Variants in WDR27 observed in about 807,000 individuals in gnomAD.
The protein encoded by WDR27 is WD repeat-containing protein 27.
WDR27 carries 100 observed loss-of-function variants against 114.4 expected under a neutral mutation model. The observed-to-expected ratio is 0.87, with a 90% CI of 0.74 to 1.03. The LOEUF (loss-of-function observed/expected upper bound fraction) is 1.03, where lower values mean the gene tolerates loss of function less well. Among genes scored for constraint, WDR27 ranks in the 50% least tolerant of loss-of-function variants. The probability of loss-of-function intolerance (pLI) is 0.00; values close to 1 mark genes in which losing one functional copy is unlikely to be tolerated. For missense variants in WDR27, 1,129 were observed against 1,092.9 expected (o/e 1.03, Z -0.47); for synonymous variants, 449 against 423.1 (o/e 1.06, Z -0.75).
At chr6:169,598,687 C>CCA (rs1431093306) in intron 23 of WDR27, among the ~76,000 whole-genome samples, 2 of 152,194 alleles carry the variant, frequency 1.3e-5, no homozygotes, top group African/African-American at 4.8e-5. Flanking sequence ...CATGACGCAG[C>CCA]CACACACCAA....
In WDR27 at chr6:169,666,430, G is replaced by A. The variant is rs951449947; in HGVS notation, c.712+706C>T. ...CATGTCACTTACCGCATGGAAGAACGCTCTCCTTTTAATTCCCTAACTCTC... is the reference window on the plus strand; with the variant it reads ...CATGTCACTTACCGCATGGAAGAACACTCTCCTTTTAATTCCCTAACTCTC... On this transcript the variant is annotated intron_variant, in intron 6 of 25. Transcript: ENST00000448612. 2.0e-5 allele frequency: 20 copies of A among 985,304 alleles called. No individual in the cohort carries two copies. In the South Asian group the frequency reaches 3.8e-4, roughly 19 times the overall value. The allele number at this position is 985,304 out of a possible 1,614,324, so 61.0% of individuals were successfully genotyped here.
At chr6:169,556,817 A>G (rs1798960600) in intron 25 of WDR27, among the ~76,000 whole-genome samples, 1 of 152,222 alleles carries the variant, frequency 6.6e-6, no homozygotes, top group Admixed American at 6.5e-5. Context: ...AAAGTGCTCA[A>G]CATCATTCAT....
At chr6:169,642,461 C>T (rs997963008) in intron 17 of WDR27, among the ~76,000 whole-genome samples, 3 of 152,184 alleles carry the variant, frequency 2.0e-5, no homozygotes, top group Non-Finnish European at 4.4e-5. Context: ...TATTCAGCCA[C>T]GAAAGAGGCC....
chr6:169,577,656 C>T (rs900562990), intron 24 of WDR27, among the ~76,000 whole-genome samples: 1 of 152,220 alleles, frequency 6.6e-6, no homozygotes, highest in African/African-American at 2.4e-5. Flanking sequence ...CCGCAGCCTC[C>T]CCACCACGGA....
chr6:169,486,161 T>C (rs904516459), intron 25 of WDR27, among the ~76,000 whole-genome samples: 3 of 152,090 alleles, frequency 2.0e-5, no homozygotes, highest in African/African-American at 7.2e-5. Context: ...AGGTTTTTTT[T>C]TTTTGTAAGA....
chr6:169,458,739 A>G (rs991615355), intron 25 of WDR27, among the ~76,000 whole-genome samples: 1 of 151,644 alleles, frequency 6.6e-6, no homozygotes, highest in Non-Finnish European at 1.5e-5. Context: ...GTGAGCCAAG[A>G]TCATGCCACT....
At chr6:169,592,283 T>A (rs151120729) in intron 23 of WDR27, among the ~76,000 whole-genome samples, 1 of 152,134 alleles carries the variant, frequency 6.6e-6, no homozygotes, top group Admixed American at 6.5e-5. Context: ...AATCTACACA[T>A]TACCTACAGA....
In WDR27 at chr6:169,478,110, G is replaced by A. The variant is rs181672112; in HGVS notation, c.2646-20476C>T. Among the ~76,000 whole-genome samples, 207 of 152,206 alleles carry A rather than the reference G, an allele frequency of 1.4e-3. 1 individual carries two copies. Among genetic ancestry groups the A allele is most frequent in the Middle Eastern group, 6.8e-3 (2 of 294 alleles). Reference sequence around the variant, plus strand: ...ACAGAAGTCAAGCCAGGGTCAGCCAGTGACTGGGGGTTGGAGATGCCTACA... The same window carrying A: ...ACAGAAGTCAAGCCAGGGTCAGCCAATGACTGGGGGTTGGAGATGCCTACA... On this transcript the variant is annotated intron_variant, in intron 25 of 25. Transcript: ENST00000448612.
intron 23 of WDR27, among the ~76,000 whole-genome samples, chr6:169,596,224 A>G (rs139656970): frequency 9.7e-4 from 148 of 152,184 alleles, no homozygotes; most frequent in Middle Eastern, 3.4e-3. Flanking sequence ...TTTTTAAAAA[A>G]ATGTCCAGGG....
chr6:169,499,997 G>A (rs1351457858), intron 25 of WDR27, among the ~76,000 whole-genome samples: 2 of 152,178 alleles, frequency 1.3e-5, no homozygotes, highest in East Asian at 1.9e-4. Flanking sequence ...CAGCTGCTGG[G>A]TGCATACTTA....
At chr6:169,428,232 G>A in the WDR27 span, among the ~76,000 whole-genome samples, 10 of 152,242 alleles carry the variant, frequency 6.6e-5, no homozygotes, top group South Asian at 1.7e-3. Flanking sequence ...AGACTGGGCC[G>A]TCTCTCTTGC....
intron 23 of WDR27, among the ~76,000 whole-genome samples, chr6:169,585,887 G>A (rs138609039): frequency 2.8e-4 from 43 of 152,170 alleles, no homozygotes; most frequent in African/African-American, 8.4e-4. Flanking sequence ...ACAGAAATAC[G>A]TCGTATTTTC....
chr6:169,682,161 T>C (rs1781699669), intron 2 of WDR27, among the ~76,000 whole-genome samples: 2 of 150,734 alleles, frequency 1.3e-5, no homozygotes, highest in African/African-American at 4.9e-5. Flanking sequence ...TGGCGCAGGG[T>C]CTCCCTGGGA....
intron 25 of WDR27, among the ~76,000 whole-genome samples, chr6:169,562,423 A>G (rs1359666120): frequency 6.6e-6 from 1 of 152,264 alleles, no homozygotes; most frequent in African/African-American, 2.4e-5. Context: ...AAATCAAAAG[A>G]GAATTTCAAA....
chr6:169,507,092 G>T lies in WDR27; in HGVS notation c.2646-49458C>A, dbSNP rs866352060. On this transcript the variant is annotated intron_variant, in intron 25 of 25. Coordinates refer to ENST00000448612, the MANE Select transcript of WDR27 (RefSeq NM_182552.5). ...ATGTTTTAGAAATAAAATATTTTGA[G>T]TCCTAAAAAACACTATTCTTTCCAT... 3.3e-5 allele frequency among the ~76,000 whole-genome samples: 5 copies of T among 152,250 alleles called. No homozygotes were observed. In the Middle Eastern group the frequency reaches 0.017, roughly 518 times the overall value.
chr6:169,660,552 C>A, intron 10 of WDR27, 111 bp downstream of exon 10: 2 of 864,044 alleles, frequency 2.3e-6, no homozygotes, highest in Non-Finnish European at 3.8e-6. Flanking sequence ...ACTGAAGCAT[C>A]TCATCCTCAG....
At chr6:169,461,113 C>A (rs562213567) in intron 25 of WDR27, among the ~76,000 whole-genome samples, 296 of 152,136 alleles carry the variant, frequency 1.9e-3, no homozygotes, top group African/African-American at 6.6e-3. Context: ...AACAGACCAT[C>A]AAAATATATG....
chr6:169,676,924 T>C (rs1297359052), intron 2 of WDR27, among the ~76,000 whole-genome samples: 1 of 152,216 alleles, frequency 6.6e-6, no homozygotes, highest in African/African-American at 2.4e-5. Context: ...CTCAAGACTG[T>C]GCCTTGGGCC....
intron 24 of WDR27, among the ~76,000 whole-genome samples, chr6:169,579,864 A>C (rs1803087879): frequency 6.6e-6 from 1 of 152,242 alleles, no homozygotes; most frequent in African/African-American, 2.4e-5. Flanking sequence ...TCACTCTTGA[A>C]TTCTTTCCTG....
Sources: allele counts gnomAD v4.1 joint callset (sites outside exome capture counted in the v4.1 genomes callset), GRCh38; gene constraint gnomAD v4.1.1; transcripts MANE v1.5; gene names NCBI Gene and HGNC (gene_info 2026-07-23, HGNC 2026-07-21).